The following IL1RAPL2 variants were observed in gnomAD, a reference collection of about 807,000 sequenced individuals.
IL1RAPL2 encodes the protein interleukin 1 receptor accessory protein like 2.
IL1RAPL2 carries 3 observed loss-of-function variants against 44.1 expected under a neutral mutation model. The ratio of observed to expected loss-of-function variants is 0.07; its 90% confidence interval spans 0.03 to 0.18. IL1RAPL2 has a LOEUF of 0.18. Ranked by LOEUF, IL1RAPL2 falls within the 10% of genes least tolerant of loss-of-function variation. IL1RAPL2 has a pLI of 1.00. For missense variants in IL1RAPL2, 391 were observed against 496.4 expected, an observed-to-expected ratio of 0.79 and a Z score of 2.02; for synonymous variants, 181 against 178.8, an observed-to-expected ratio of 1.01 and a Z score of -0.10.
intron 6 of IL1RAPL2, among the ~76,000 whole-genome samples, chrX:105,703,677 C>G (rs1020686759): frequency 3.6e-5 from 4 of 111,414 alleles, no homozygotes; most frequent in African/African-American, 1.3e-4. Flanking sequence ...CTCAAAGTTC[C>G]CTTCTAACTG....
At chrX:105,648,562 ACTTCACAAAGTGAAGTGCTTT>A (rs989942182) in intron 6 of IL1RAPL2, among the ~76,000 whole-genome samples, 3 of 111,819 alleles carry the variant, frequency 2.7e-5, no homozygotes, top group South Asian at 3.8e-4. Flanking sequence ...TCAGCAGAGC[ACTTCACAAAGTGAAGTGCTTT>A]CTTCACAAAA....
At chrX:104,648,296 C>T (rs1346503343) in intron 1 of IL1RAPL2, among the ~76,000 whole-genome samples, 2 of 111,996 alleles carry the variant, frequency 1.8e-5, no homozygotes, top group East Asian at 5.6e-4. Context: ...AGTCTGTTAT[C>T]AGATTTTCAC....
chrX:105,630,020 G>C (rs188065707), intron 6 of IL1RAPL2, among the ~76,000 whole-genome samples: 1 of 111,738 alleles, frequency 8.9e-6, no homozygotes, highest in East Asian at 2.9e-4. Context: ...TTTGAACAAA[G>C]TGATCTCTAA....
At chrX:105,666,978 A>G (rs1196851599) in intron 6 of IL1RAPL2, among the ~76,000 whole-genome samples, 3 of 111,524 alleles carry the variant, frequency 2.7e-5, no homozygotes, top group African/African-American at 9.8e-5. Flanking sequence ...TCTTTACACA[A>G]TCCTGCATGC....
At chrX:105,707,024 A>G (rs1187505466) in intron 6 of IL1RAPL2, among the ~76,000 whole-genome samples, 1 of 111,626 alleles carries the variant, frequency 9.0e-6, no homozygotes, top group Non-Finnish European at 1.9e-5. Flanking sequence ...AAGATTACAT[A>G]CAATTCAAGA....
chrX:105,373,996 G>A (rs1445854382), intron 5 of IL1RAPL2, among the ~76,000 whole-genome samples: 1 of 108,493 alleles, frequency 9.2e-6, no homozygotes, highest in Non-Finnish European at 1.9e-5. Context: ...GCACACACCT[G>A]TAATCCCAGC....
At chrX:104,910,318 G>A (rs929361979) in intron 2 of IL1RAPL2, among the ~76,000 whole-genome samples, 4 of 112,205 alleles carry the variant, frequency 3.6e-5, no homozygotes, top group Admixed American at 2.8e-4. Flanking sequence ...TGTCTTCTGC[G>A]TTGCTCGTGC....
At chrX:105,308,574 A>G (rs754913476) in intron 5 of IL1RAPL2, among the ~76,000 whole-genome samples, 2 of 111,851 alleles carry the variant, frequency 1.8e-5, no homozygotes, top group Non-Finnish European at 3.8e-5. Flanking sequence ...GTTTTTGCCT[A>G]TTCTAGAAGT....
chrX:105,730,559 A>G (rs1164308996), intron 7 of IL1RAPL2, among the ~76,000 whole-genome samples: 1 of 111,538 alleles, frequency 9.0e-6, no homozygotes, highest in African/African-American at 3.2e-5. Context: ...GCTGCAGAAT[A>G]TACATTCTTC....
At chrX:105,201,180 T>G (rs1219237776) in intron 3 of IL1RAPL2, among the ~76,000 whole-genome samples, 1 of 111,884 alleles carries the variant, frequency 8.9e-6, no homozygotes, top group Non-Finnish European at 1.9e-5. Context: ...TCTGAACAGT[T>G]CCTTAGTATA....
intron 5 of IL1RAPL2, among the ~76,000 whole-genome samples, chrX:105,308,680 C>G (rs765296464): frequency 4.5e-5 from 5 of 112,245 alleles, no homozygotes; most frequent in African/African-American, 1.6e-4. Context: ...ACTAAAGATC[C>G]GTCGTCCTGT....
chrX:104,756,627 T>A (rs1173399762), intron 2 of IL1RAPL2, among the ~76,000 whole-genome samples: 1 of 110,884 alleles, frequency 9.0e-6, no homozygotes, highest in East Asian at 2.8e-4. Flanking sequence ...CTCATGTCAC[T>A]TACATTTTAG....
intron 2 of IL1RAPL2, among the ~76,000 whole-genome samples, chrX:104,794,893 T>G (rs1195016094): frequency 1.8e-5 from 2 of 111,872 alleles, no homozygotes; most frequent in Non-Finnish European, 3.8e-5. Context: ...TGTAACCATG[T>G]TCCCCTTCCT....
chrX:105,556,255 T>C (rs989733193), intron 6 of IL1RAPL2, among the ~76,000 whole-genome samples: 2 of 111,972 alleles, frequency 1.8e-5, no homozygotes, highest in African/African-American at 6.5e-5. Flanking sequence ...TTTTGATGCA[T>C]ACTTGCAAAG....
chrX:104,841,935 G>C (rs1364691250), intron 2 of IL1RAPL2, among the ~76,000 whole-genome samples: 1 of 110,495 alleles, frequency 9.1e-6, no homozygotes, highest in African/African-American at 3.3e-5. Context: ...ATGTTGGCCT[G>C]TCTTGCTAGG....
At chrX:104,926,128 C>T (rs1035112786) in intron 2 of IL1RAPL2, among the ~76,000 whole-genome samples, 10 of 111,742 alleles carry the variant, frequency 8.9e-5, no homozygotes, top group African/African-American at 3.2e-4. Context: ...TACTTAGCTC[C>T]ATCAAAGGAG....
At chrX:105,554,535 A>G (rs1301947750) in intron 6 of IL1RAPL2, among the ~76,000 whole-genome samples, 1 of 111,245 alleles carries the variant, frequency 9.0e-6, no homozygotes, top group East Asian at 2.8e-4. Context: ...CACCCTCCAC[A>G]TTTTTGGAGC....
chrX:105,690,329 A>G (rs1418881080), intron 6 of IL1RAPL2, among the ~76,000 whole-genome samples: 1 of 112,007 alleles, frequency 8.9e-6, no homozygotes, highest in East Asian at 2.8e-4. Context: ...ACTATAAAAC[A>G]TAATTACTGG....
intron 2 of IL1RAPL2, among the ~76,000 whole-genome samples, chrX:104,900,817 A>G (rs1327957419): frequency 8.9e-6 from 1 of 112,085 alleles, no homozygotes; most frequent in Non-Finnish European, 1.9e-5. Flanking sequence ...GCAAGGAAAT[A>G]TTCTCTGCCT....
Sources: allele counts gnomAD v4.1 joint callset (sites outside exome capture counted in the v4.1 genomes callset), GRCh38; gene constraint gnomAD v4.1.1; transcripts MANE v1.5; gene names NCBI Gene and HGNC (gene_info 2026-07-23, HGNC 2026-07-21).